The following GPC2 variants were observed in gnomAD, a reference collection of about 807,000 sequenced individuals.
GPC2 encodes the protein glypican 2.
Under a neutral mutation model 57.3 loss-of-function variants are expected in GPC2, and 42 were observed. That is an observed-to-expected ratio of 0.73 (90% CI 0.57 to 0.95). GPC2 has a LOEUF of 0.95. Among genes scored for constraint, GPC2 ranks in the 40% least tolerant of loss-of-function variants. The pLI is 0.00. For missense variants in GPC2, 745 were observed against 793.6 expected, an observed-to-expected ratio of 0.94 and a Z score of 0.74; for synonymous variants, 364 against 343.4, an observed-to-expected ratio of 1.06 and a Z score of -0.66.
In GPC2 at chr7:100,175,286, G is replaced by T. The variant is rs540247954; in HGVS notation, c.648+286C>A. Among the ~76,000 whole-genome samples, 6 of 152,354 alleles carry T rather than the reference G, an allele frequency of 3.9e-5. No homozygotes were observed. In the East Asian group the frequency reaches 7.7e-4, roughly 20 times the overall value. On this transcript the variant is annotated intron_variant, in intron 3 of 9. Coordinates refer to ENST00000292377, the MANE Select transcript of GPC2 (RefSeq NM_152742.3). ...ACGATTAGGAAGGGGTTGGCACAAA[G>T]GTGGCTGGAGGCTAAGGGCAGGTGA...
Position 100,170,106 on chromosome 7 carries a change from T to C in GPC2, c.*124A>G. On this transcript the variant is annotated 3_prime_UTR_variant, in exon 10 of 10. Coordinates refer to ENST00000292377, the MANE Select transcript of GPC2 (RefSeq NM_152742.3). ...TCTCCTGGATTTGGGGCCCCAGCCA[T>C]TCACCTGCAAAGTCCCTTCTCTACC... The C allele has an allele frequency of 6.9e-6, 7 of 1,008,906 alleles. No individual in the cohort carries two copies. The highest frequency in any genetic ancestry group is 9.5e-6 in the Non-Finnish European group (7 of 735,448). 62.5% of individuals were successfully genotyped at this position (1,008,906 alleles called of 1,614,324 possible).
Position 100,173,904 on chromosome 7 carries a change from A to C in GPC2, c.823T>G (p.Phe275Val). The change falls in exon 5 of 10, where the codon TTC becomes GTC. Residue 275 changes from phenylalanine (F) to valine (V), a missense_variant. By Grantham distance (50) the Phe-to-Val change is conservative (BLOSUM62 -1). Transcript: ENST00000292377. ...CAGCCACGAACCACGTTGAGGCAGA[A>C]GCCCTGGCAGGGCATAAGTGAGGGG... ...GVPSLMPCQGFCLNVVRGCLS... is the reference protein window; with the variant it reads ...GVPSLMPCQGVCLNVVRGCLS... The C allele has an allele frequency of 1.2e-6, 2 of 1,605,910 alleles. No homozygotes were observed. Among genetic ancestry groups the C allele is most frequent in the Non-Finnish European group, 1.7e-6 (2 of 1,176,318 alleles).
intron 5 of GPC2, among the ~76,000 whole-genome samples, chr7:100,172,667 A>ATG (rs1337376009): frequency 2.3e-5 from 3 of 129,824 alleles, no homozygotes; most frequent in East Asian, 5.1e-4. Flanking sequence ...GTGTATATAT[A>ATG]TATATGTGTG....
intron 9 of GPC2, among the ~76,000 whole-genome samples, chr7:100,170,854 CAGAT>C (rs541696205): frequency 2.1e-3 from 314 of 152,166 alleles, no homozygotes; most frequent in African/African-American, 4.3e-3. Context: ...CAGAGACAGA[CAGAT>C]AGAAGGAGAG....
chr7:100,174,096 ACACC>A, intron 4 of GPC2, 99 bp from the exon 5 acceptor site: 8 of 1,157,470 alleles, frequency 6.9e-6, no homozygotes, highest in Non-Finnish European at 9.5e-6. Flanking sequence ...ACCCCACCCT[ACACC>A]TAGGGTTGGT....
At position 100,171,627 on chromosome 7, in the gene GPC2, G is replaced by C. The variant is rs757074443; in HGVS notation, c.1222C>G (p.Leu408Val). The change falls in exon 8 of 10, where the codon CTG (leucine) becomes GTG (valine). Residue 408 changes from leucine (L) to valine (V), a missense_variant. Leu to Val is a conservative substitution (Grantham distance 32). Around this residue, in one of 2 missense-constraint regions of GPC2, gnomAD observed 607 missense variants for 603.9 expected, o/e 1.01. Transcript: ENST00000292377. The surrounding 1 kb of genome is among the most constrained non-coding windows in gnomAD (Gnocchi z 4.8). Reference protein sequence around the residue: ...LARMRGFWARLSLTVCGDSRM... With the variant: ...LARMRGFWARVSLTVCGDSRM... ...GAGTCTCCGCACACCGTCAGGGACA[G>C]CCGGGCCCAGAAGCCCCGCATCCGG... 1.4e-5 allele frequency: 22 copies of C among 1,533,016 alleles called. No individual in the cohort carries two copies. Among genetic ancestry groups the C allele is most frequent in the Non-Finnish European group, 1.9e-5 (22 of 1,152,618 alleles). The allele number at this position is 1,533,016 out of a possible 1,614,324, so 95.0% of individuals were successfully genotyped here. A position where few individuals can be genotyped will look rare whatever the true frequency, so the allele number is the denominator to read the frequency against.
Position 100,170,035 on chromosome 7 carries a change from A to G in GPC2, c.*195T>C. ...CCCCCAGGCCCCCCTCCCATTACCA[A>G]ATGAAAAAATAAATATTGTGAACAC... On this transcript the variant is annotated 3_prime_UTR_variant, in exon 10 of 10. Transcript: ENST00000292377. The G allele has an allele frequency of 2.2e-6, 1 of 446,800 alleles. No individual in the cohort carries two copies. The allele number at this position is 446,800 out of a possible 1,614,324, so 27.7% of individuals were successfully genotyped here.
At chr7:100,174,904 C>G (rs746994764) in intron 3 of GPC2, 139 bp from the exon 4 acceptor site, 2 of 633,102 alleles carry the variant, frequency 3.2e-6, no homozygotes, top group Admixed American at 5.8e-5. Context: ...TTGGGTGGTA[C>G]AGAGAGGCAG....
In GPC2 at chr7:100,174,691, C is replaced by A; in HGVS notation, c.723G>T (p.Ala241=). Reference sequence around the variant, plus strand: ...TACTCAGGCACCCTCCAACCTTAAGCGCTTCGCTGACCACATTTCTTCCAG... The same window carrying A: ...TACTCAGGCACCCTCCAACCTTAAGAGCTTCGCTGACCACATTTCTTCCAG... The part of the protein sequence containing the change: ...LETGRNVVSE[A]LKVPVSEGCS... The change falls in exon 4 of 10, where the codon GCG becomes GCT. Residue 241 remains alanine (A), a synonymous_variant. Coordinates refer to ENST00000292377, the MANE Select transcript of GPC2 (RefSeq NM_152742.3). 6.2e-7 allele frequency: 1 copy of A among 1,612,938 alleles called. No individual in the cohort carries two copies. Among genetic ancestry groups the A allele is most frequent in the Non-Finnish European group, 8.5e-7 (1 of 1,179,040 alleles).
chr7:100,172,163 G>A lies in GPC2; in HGVS notation c.947C>T (p.Thr316Met), dbSNP rs771766178. 5 of 1,613,810 alleles carry A rather than the reference G, an allele frequency of 3.1e-6. No individual in the cohort carries two copies. Among genetic ancestry groups the A allele is most frequent in the African/African-American group, 1.3e-5 (1 of 74,828 alleles). ...GATCTTCACCCCAATGGACTCGGCC[G>A]TCAGCTCAAAGGAAAAGGGGCCCTG... ...KLQGPFSFELTAESIGVKISE... is the reference protein window; with the variant it reads ...KLQGPFSFELMAESIGVKISE... The change falls in exon 6 of 10, where the codon ACG becomes ATG. Residue 316 changes from threonine (T) to methionine (M), a missense_variant. Thr to Met is a moderately conservative substitution (Grantham distance 81). Around this residue, in one of 2 missense-constraint regions of GPC2, gnomAD observed 607 missense variants for 603.9 expected, o/e 1.01. Coordinates refer to ENST00000292377, the MANE Select transcript of GPC2 (RefSeq NM_152742.3).
chr7:100,169,633 A>G lies in GPC2; in HGVS notation c.*597T>C, dbSNP rs907104297. ...CAATACATTACCATTTATTTGCAGA[A>G]TAAACATGGACTCAAACACTGAAAC... On this transcript the variant is annotated 3_prime_UTR_variant, in exon 10 of 10. Coordinates refer to ENST00000292377, the MANE Select transcript of GPC2 (RefSeq NM_152742.3). 6.5e-6 allele frequency: 1 copy of G among 152,682 alleles called. No individual in the cohort carries two copies. The allele number at this position is 152,682 out of a possible 1,614,324, so 9.5% of individuals were successfully genotyped here. A position where few individuals can be genotyped will look rare whatever the true frequency, so the allele number is the denominator to read the frequency against.
rs1799234370 is a variant in GPC2 at position 100,174,389 on chromosome 7, G to A, written c.729+296C>T. The A allele has an allele frequency of 9.2e-6, 5 of 540,664 alleles. No individual in the cohort carries two copies. The Admixed American group carries it at 1.6e-4, about 17-fold the overall frequency. 33.5% of individuals were successfully genotyped at this position (540,664 alleles called of 1,614,324 possible). On this transcript the variant is annotated intron_variant, in intron 4 of 9. Coordinates refer to ENST00000292377, the MANE Select transcript of GPC2 (RefSeq NM_152742.3). ...GTGGAGTCATTGAGGGATCCTGGGGGGTTGGGCGGGGGCAGTATCCAATCT... is the reference window on the plus strand; with the variant it reads ...GTGGAGTCATTGAGGGATCCTGGGGAGTTGGGCGGGGGCAGTATCCAATCT...
rs1383317675 is a variant in GPC2 at position 100,169,921 on chromosome 7, T to C, written c.*309A>G. ...CCAGCTGCAACTCTAAACTCCTCAT[T>C]TTCTCTGTTGGGGCTGATCACCAGC... On this transcript the variant is annotated 3_prime_UTR_variant, in exon 10 of 10. Transcript: ENST00000292377. 4.8e-6 allele frequency: 1 copy of C among 207,264 alleles called. No homozygotes were observed. The highest frequency in any genetic ancestry group is 9.6e-6 in the Non-Finnish European group (1 of 104,616). The allele number at this position is 207,264 out of a possible 1,614,324, so 12.8% of individuals were successfully genotyped here.
chr7:100,174,396 C>T (rs1297775581), intron 4 of GPC2: 9 of 537,392 alleles, frequency 1.7e-5, no homozygotes, highest in Non-Finnish European at 2.7e-5. Flanking sequence ...GGGGGTTGGG[C>T]GGGGGCAGTA....
chr7:100,172,434 AAAATTT>A (rs950409272), intron 5 of GPC2, among the ~76,000 whole-genome samples: 4 of 151,462 alleles, frequency 2.6e-5, no homozygotes, highest in Non-Finnish European at 5.9e-5. Flanking sequence ...AGACTTTTTT[AAAATTT>A]AAATTTAAAT....
intron 1 of GPC2, 49 bp downstream of exon 1, chr7:100,176,985 C>CGGGGGG: frequency 2.3e-6 from 1 of 432,528 alleles, no homozygotes; most frequent in Non-Finnish European, 3.8e-6. Context: ...GAGGAGGCCC[C>CGGGGGG]GCCCCCGCCC....
At chr7:100,173,678 CT>C in intron 5 of GPC2, 156 bp downstream of exon 5, 1 of 449,630 alleles carries the variant, frequency 2.2e-6, no homozygotes. Flanking sequence ...TTCTTTCTCT[CT>C]CTCTCTTTCT....
In GPC2 at chr7:100,169,999, C is replaced by T; in HGVS notation, c.*231G>A. ...CCTTCTAAGGAAACCACACTCCCTC[C>T]TAAATAAATACCCCCAGGCCCCCCT... On this transcript the variant is annotated 3_prime_UTR_variant, in exon 10 of 10. Transcript: ENST00000292377. The T allele has an allele frequency of 2.1e-6, 1 of 470,558 alleles. No individual in the cohort carries two copies. Among genetic ancestry groups the T allele is most frequent in the African/African-American group, 2.0e-5 (1 of 50,396 alleles). The allele number at this position is 470,558 out of a possible 1,614,324, so 29.1% of individuals were successfully genotyped here. A position where few individuals can be genotyped will look rare whatever the true frequency, so the allele number is the denominator to read the frequency against.
intron 3 of GPC2, 34 bp downstream of exon 3, chr7:100,175,520 CAGGGGTCACTAGGTCAGA>C (rs1479798997): frequency 6.9e-7 from 1 of 1,443,108 alleles, no homozygotes; most frequent in East Asian, 2.4e-5. Flanking sequence ...GTGCACAGTT[CAGGGGTCACTAGGTCAGA>C]AGTGGTTGAA....
Sources: gnomAD v4.1 joint callset for allele counts (sites outside exome capture counted in the v4.1 genomes callset) on GRCh38, gnomAD v4.1.1 for gene constraint, gnomAD v4.1.1 regional missense constraint, Gnocchi (gnomAD v3.1) non-coding constraint, MANE v1.5 for transcripts, NCBI Gene and HGNC (gene_info 2026-07-23, HGNC 2026-07-21) for gene names.